ANKRD18B: variants seen among roughly 807,000 people sequenced by gnomAD.
The protein encoded by ANKRD18B is ankyrin repeat domain-containing protein 18B.
Under a neutral mutation model 111.8 loss-of-function variants are expected in ANKRD18B, and 75 were observed. The observed-to-expected ratio is 0.67, with a 90% CI of 0.56 to 0.81. The LOEUF is 0.81. Ranked by LOEUF, ANKRD18B falls within the 40% of genes least tolerant of loss-of-function variation. The pLI is 0.00. For synonymous variants in ANKRD18B, 356 were observed against 417.3 expected, an observed-to-expected ratio of 0.85 and a Z score of 1.79; for missense variants, 1,038 against 1,225.5, an observed-to-expected ratio of 0.85 and a Z score of 2.28.
At chr9:33,546,826 T>C (rs66673638) in intron 10 of ANKRD18B, among the ~76,000 whole-genome samples, 8,619 of 152,050 alleles carry the variant, frequency 0.057, 334 homozygotes, top group Non-Finnish European at 0.083. Context: ...GGGGCTAGAG[T>C]GGACAGCTAT....
At chr9:33,568,278 A>G (rs1243174898) in intron 16 of ANKRD18B, among the ~76,000 whole-genome samples, 1 of 152,228 alleles carries the variant, frequency 6.6e-6, no homozygotes. Flanking sequence ...TAGTTCTTAT[A>G]GTCAAGCAAA....
At chr9:33,571,586 C>T in intron 18 of ANKRD18B, 1 of 154,782 alleles carries the variant, frequency 6.5e-6, no homozygotes. Flanking sequence ...TGTCAGCCAG[C>T]ACACTGAAAC....
At chr9:33,535,735 T>C (rs1828188437) in intron 5 of ANKRD18B, among the ~76,000 whole-genome samples, 1 of 146,506 alleles carries the variant, frequency 6.8e-6, no homozygotes, top group Non-Finnish European at 1.5e-5. Context: ...TTATATTTTA[T>C]TTATATTTTA....
downstream of ANKRD18B, among the ~76,000 whole-genome samples, chr9:33,574,157 G>C (rs3855760): frequency 1.7e-5 from 2 of 120,694 alleles, no homozygotes; most frequent in African/African-American, 5.1e-5. Context: ...CTTGTCAGTG[G>C]GAACCCAGTC....
chr9:33,569,460 TCAC>T (rs954907010), intron 17 of ANKRD18B, among the ~76,000 whole-genome samples: 6 of 151,896 alleles, frequency 4.0e-5, no homozygotes, highest in Non-Finnish European at 7.4e-5. Context: ...AGATAGGATT[TCAC>T]CATATTGGCC....
chr9:33,536,719 A>C (rs998594264), intron 5 of ANKRD18B, among the ~76,000 whole-genome samples, 159 bp from the exon 6 acceptor site: 3 of 152,212 alleles, frequency 2.0e-5, no homozygotes, highest in Non-Finnish European at 4.4e-5. Context: ...TTAGAAGCTT[A>C]ATAAGTTTAT....
intron 3 of ANKRD18B, among the ~76,000 whole-genome samples, chr9:33,532,770 C>T (rs1828135969): frequency 6.6e-6 from 1 of 152,180 alleles, no homozygotes; most frequent in Non-Finnish European, 1.5e-5. Context: ...GAAACCTCCA[C>T]TTGTATTGGG....
chr9:33,546,873 T>A (rs1441443296), intron 10 of ANKRD18B, among the ~76,000 whole-genome samples: 1 of 152,122 alleles, frequency 6.6e-6, no homozygotes, highest in Admixed American at 6.6e-5. Flanking sequence ...CTGTGGTGAT[T>A]GAATGTACAT....
chr9:33,574,980 A>G (rs993321463), downstream of ANKRD18B, among the ~76,000 whole-genome samples: 8 of 152,080 alleles, frequency 5.3e-5, no homozygotes, highest in Non-Finnish European at 8.8e-5. Context: ...TCTAGGTGAG[A>G]TGCACATCTC....
chr9:33,549,863 T>C (rs1587268191), intron 11 of ANKRD18B, among the ~76,000 whole-genome samples: 4 of 152,312 alleles, frequency 2.6e-5, no homozygotes, highest in Admixed American at 6.5e-5. Flanking sequence ...AATTAGCTCA[T>C]AATTTACATT....
At chr9:33,563,964 G>C (rs1457680266) in intron 14 of ANKRD18B, among the ~76,000 whole-genome samples, 2 of 152,094 alleles carry the variant, frequency 1.3e-5, no homozygotes, top group East Asian at 3.8e-4. Flanking sequence ...TAAGAGACAG[G>C]GTCTTGCTAG....
At chr9:33,568,536 C>A in intron 16 of ANKRD18B, 135 bp from the exon 17 acceptor site, 1 of 706,464 alleles carries the variant, frequency 1.4e-6, no homozygotes, top group Non-Finnish European at 2.2e-6. Context: ...TATGCTCTCA[C>A]ACATCTTCGT....
chr9:33,573,272 T>C, downstream of ANKRD18B: 1 of 985,262 alleles, frequency 1.0e-6, no homozygotes, highest in Non-Finnish European at 1.2e-6. Flanking sequence ...GAAGAACCAC[T>C]GTCGCATCCA....
intron 9 of ANKRD18B, among the ~76,000 whole-genome samples, chr9:33,541,818 G>A (rs1828283527): frequency 6.6e-6 from 1 of 152,202 alleles, no homozygotes; most frequent in Non-Finnish European, 1.5e-5. Flanking sequence ...GACAATAATA[G>A]TTGGTTTATA....
chr9:33,547,835 GCAA>G, intron 10 of ANKRD18B, 100 bp from the exon 11 acceptor site: 1 of 834,196 alleles, frequency 1.2e-6, no homozygotes, highest in South Asian at 3.2e-5. Context: ...TCCACTTACA[GCAA>G]CTTTTAATTG....
At chr9:33,570,640 T>C (rs1450710914) in intron 17 of ANKRD18B, among the ~76,000 whole-genome samples, 1 of 120,670 alleles carries the variant, frequency 8.3e-6, no homozygotes, top group Non-Finnish European at 1.8e-5. Flanking sequence ...TTAACCTTTT[T>C]TTCTTTTTTT....
At position 33,543,253 on chromosome 9, in the gene ANKRD18B, C is replaced by A; in HGVS notation, c.1147C>A (p.Gln383Lys). 6.5e-7 allele frequency: 1 copy of A among 1,548,750 alleles called. No individual in the cohort carries two copies. The highest frequency in any genetic ancestry group is 2.4e-5 in the East Asian group (1 of 40,892). ...TGAAAGAAGTGAAAATAAACAGCCG[C>A]AGGTATATAACAATTTAAATTTCTG... ...RLERSENKQPQDSQSYGKKKD... is the reference protein window; with the variant it reads ...RLERSENKQPKDSQSYGKKKD... The change falls in exon 10 of 19, where the codon CAG (glutamine) becomes AAG (lysine). Residue 383 changes from glutamine (Q) to lysine (K), a missense_variant and splice_region_variant. This residue lies in a region of ANKRD18B where 205 missense variants were observed against 201.3 expected (regional missense o/e 1.02). Transcript: ENST00000684830.
At chr9:33,569,023 A>G (rs1324850049) in intron 17 of ANKRD18B, 130 bp downstream of exon 17, 22 of 849,362 alleles carry the variant, frequency 2.6e-5, no homozygotes, top group African/African-American at 3.5e-5. Flanking sequence ...AGCTGTGTTA[A>G]CACAGAAAGG....
Position 33,572,548 on chromosome 9 carries a change from A to G in ANKRD18B, c.*114A>G, listed in dbSNP as rs999221798. 3.0e-6 allele frequency: 4 copies of G among 1,329,546 alleles called. No homozygotes were observed. The highest frequency in any genetic ancestry group is 3.0e-5 in the African/African-American group (2 of 66,822). The allele number at this position is 1,329,546 out of a possible 1,614,324, so 82.4% of individuals were successfully genotyped here. A position where few individuals can be genotyped will look rare whatever the true frequency, so the allele number is the denominator to read the frequency against. ...AGAATATTTTCATATCATATGATGT[A>G]TATTTATATGTTATTTTAAATGATT... is the stretch of plus-strand genomic sequence containing the variant. On this transcript the variant is annotated 3_prime_UTR_variant, in exon 19 of 19. Transcript: ENST00000684830.
Sources: allele counts gnomAD v4.1 joint callset (sites outside exome capture counted in the v4.1 genomes callset), GRCh38; gene constraint gnomAD v4.1.1; regional missense constraint gnomAD v4.1.1; transcripts MANE v1.5; gene names NCBI Gene and HGNC (gene_info 2026-07-23, HGNC 2026-07-21).